Variants in MRLN observed in about 807,000 individuals in gnomAD.
MRLN encodes Linc-RNA activator of myogenesis.
chr10:59,747,721 G>A (rs1841056725), intron 1 of MRLN, among the ~76,000 whole-genome samples: 1 of 152,126 alleles, frequency 6.6e-6, no homozygotes, highest in African/African-American at 2.4e-5. Context: ...CATGCAATAC[G>A]CTATAGTCAG....
intron 1 of MRLN, among the ~76,000 whole-genome samples, chr10:59,752,763 A>G (rs1295436973): frequency 6.6e-6 from 1 of 152,242 alleles, no homozygotes; most frequent in East Asian, 1.9e-4. Context: ...CCTACTTTGA[A>G]GGACTCTCAG....
intron 2 of MRLN, chr10:59,738,027 G>C (rs1293262815): frequency 6.6e-6 from 1 of 152,118 alleles, no homozygotes; most frequent in Non-Finnish European, 1.5e-5. Flanking sequence ...AAAAAAGGCA[G>C]GTAGACTTTT....
chr10:59,739,865 G>A (rs1346497066), intron 1 of MRLN, among the ~76,000 whole-genome samples: 1 of 152,066 alleles, frequency 6.6e-6, no homozygotes. Flanking sequence ...AGGCCAAGGC[G>A]GGTGGATCAC....
chr10:59,739,606 C>T (rs917787956), intron 1 of MRLN: 2 of 152,104 alleles, frequency 1.3e-5, no homozygotes, highest in Non-Finnish European at 2.9e-5. Flanking sequence ...GGATATGGAA[C>T]CCATGGATCT....
chr10:59,740,792 CTT>C, intron 1 of MRLN, among the ~76,000 whole-genome samples: 1 of 149,514 alleles, frequency 6.7e-6, no homozygotes, highest in Non-Finnish European at 1.5e-5. Flanking sequence ...TTCTTTCTTT[CTT>C]TCTTTCTTTC....
intron 2 of MRLN, chr10:59,737,907 C>A (rs964225188): frequency 6.6e-6 from 1 of 152,094 alleles, no homozygotes; most frequent in Admixed American, 6.6e-5. Flanking sequence ...GTTTTCAAAG[C>A]CTTACACCAA....
At chr10:59,749,156 G>A (rs1841072648) in intron 1 of MRLN, among the ~76,000 whole-genome samples, 1 of 152,156 alleles carries the variant, frequency 6.6e-6, no homozygotes, top group African/African-American at 2.4e-5. Context: ...GGGGTTGAAA[G>A]GACTTTATTC....
rs1479399066 is a variant in MRLN, at chr10:59,744,446, C to T, written c.-124-5884G>A. On this transcript the variant is annotated intron_variant, in intron 1 of 2. Transcript: ENST00000414264. ...CCCGGCAGCTGCCCCTTCCGGGAGGCGGGGAGCAGCCGCGCCCGGCCAGCC... is the reference window on the plus strand; with the variant it reads ...CCCGGCAGCTGCCCCTTCCGGGAGGTGGGGAGCAGCCGCGCCCGGCCAGCC... Among the ~76,000 whole-genome samples, 20 of 150,410 alleles carry T rather than the reference C, an allele frequency of 1.3e-4. No homozygotes were observed. In the South Asian group the frequency reaches 1.9e-3, roughly 14 times the overall value.
At chr10:59,747,337 A>G (rs1841053085) in intron 1 of MRLN, among the ~76,000 whole-genome samples, 1 of 152,178 alleles carries the variant, frequency 6.6e-6, no homozygotes, top group Non-Finnish European at 1.5e-5. Context: ...TGTGCATGAG[A>G]TCTTAAGCAA....
chr10:59,743,054 T>G (rs1217385539), intron 1 of MRLN, among the ~76,000 whole-genome samples: 1 of 152,128 alleles, frequency 6.6e-6, no homozygotes, highest in Non-Finnish European at 1.5e-5. Context: ...TGTATATATG[T>G]TAGACTTCAT....
intron 1 of MRLN, among the ~76,000 whole-genome samples, chr10:59,752,524 A>G (rs562622708): frequency 5.9e-5 from 9 of 152,198 alleles, no homozygotes; most frequent in African/African-American, 1.4e-4. Flanking sequence ...ACAAGACCAC[A>G]TCTGCCTCCT....
At position 59,745,933 on chromosome 10, in the gene MRLN, C is replaced by A. The variant is rs563371741; in HGVS notation, c.-124-7371G>T. Among the ~76,000 whole-genome samples the A allele has an allele frequency of 3.9e-4, 59 of 152,150 alleles. No homozygotes were observed. In the South Asian group the frequency reaches 7.0e-3, roughly 18 times the overall value. ...ACAACAACAAAAAAACAAACAACAACAAAAAAATCCCTCTATTATATAAAA... is the reference window on the plus strand; with the variant it reads ...ACAACAACAAAAAAACAAACAACAAAAAAAAAATCCCTCTATTATATAAAA... On this transcript the variant is annotated intron_variant, in intron 1 of 2. Transcript: ENST00000414264.
intron 1 of MRLN, among the ~76,000 whole-genome samples, chr10:59,752,933 C>T (rs998133365): frequency 1.3e-5 from 2 of 152,176 alleles, no homozygotes; most frequent in Non-Finnish European, 2.9e-5. Context: ...CCAACTACTC[C>T]TCCCCCCAAT....
At chr10:59,742,321 A>T (rs1449132029) in intron 1 of MRLN, among the ~76,000 whole-genome samples, 1 of 152,248 alleles carries the variant, frequency 6.6e-6, no homozygotes, top group African/African-American at 2.4e-5. Flanking sequence ...AAACAGGTGA[A>T]TCTAATAAAG....
chr10:59,737,140 T>C lies in MRLN; in HGVS notation c.61A>G (p.Ile21Val), dbSNP rs1435556866. The C allele has an allele frequency of 2.5e-6, 1 of 398,060 alleles. No homozygotes were observed. The highest frequency in any genetic ancestry group is 2.1e-5 in the African/African-American group (1 of 48,618). 24.7% of individuals were successfully genotyped at this position (398,060 alleles called of 1,614,324 possible). The change falls in exon 3 of 3, where the codon ATT becomes GTT. Residue 21 changes from isoleucine to valine, a missense_variant. Transcript: ENST00000414264. Reference protein sequence around the residue: ...TTTPKSLEDEIVGRLLKILFV... With the variant: ...TTTPKSLEDEVVGRLLKILFV... ...AAAATTTTTAGAAGTCTTCCCACAA[T>C]TTCATCTTCTAGACTTTTGGGAGTA...
intron 1 of MRLN, among the ~76,000 whole-genome samples, chr10:59,740,396 G>A (rs1255691355): frequency 1.3e-5 from 2 of 152,104 alleles, no homozygotes; most frequent in African/African-American, 2.4e-5. Context: ...GCCCCAGGTA[G>A]GTCCTTGAGG....
At position 59,737,191 on chromosome 10, in the gene MRLN, T is replaced by C. The variant is rs1840933827; in HGVS notation, c.10A>G (p.Lys4Glu). The C allele has an allele frequency of 2.0e-5, 8 of 397,470 alleles. No homozygotes were observed. Among genetic ancestry groups the C allele is most frequent in the Middle Eastern group, 6.4e-4 (1 of 1,574 alleles). The allele number at this position is 397,470 out of a possible 1,614,324, so 24.6% of individuals were successfully genotyped here. Residue 4 changes from lysine (K) to glutamate (E), a missense_variant, in exon 3 of 3, where the codon AAA becomes GAA. By Grantham distance (56) the Lys-to-Glu change is moderately conservative. Transcript: ENST00000414264. Reference protein sequence around the residue: MTGKNWILISTTTP... With the variant: MTGENWILISTTTP... ...GTAGTAGAAATTAATATCCAGTTTT[T>C]ACCAGTCATATCCAGAATTATCCCG...
At chr10:59,751,516 A>C (rs190347392) in intron 1 of MRLN, among the ~76,000 whole-genome samples, 1 of 151,986 alleles carries the variant, frequency 6.6e-6, no homozygotes, top group East Asian at 1.9e-4. Context: ...AATAATAACA[A>C]AAAATTAGCT....
At chr10:59,752,846 A>G (rs2070174518) in intron 1 of MRLN, among the ~76,000 whole-genome samples, 1 of 152,230 alleles carries the variant, frequency 6.6e-6, no homozygotes, top group African/African-American at 2.4e-5. Flanking sequence ...GAATGAATCC[A>G]TGGAACAAGA....
Sources: allele counts gnomAD v4.1 joint callset (sites outside exome capture counted in the v4.1 genomes callset), GRCh38; gene constraint gnomAD v4.1.1; transcripts MANE v1.5; gene names NCBI Gene and HGNC (gene_info 2026-07-23, HGNC 2026-07-21).